Variants in TAFA5 observed in about 807,000 individuals in gnomAD.
TAFA5 encodes the protein TAFA chemokine like family member 5, also known as chemokine-like protein TAFA-5.
Under a neutral mutation model 15.3 loss-of-function variants are expected in TAFA5, and 6 were observed. The ratio of observed to expected loss-of-function variants is 0.39; its 90% CI spans 0.21 to 0.77. The LOEUF is 0.77. Ranked by LOEUF, TAFA5 falls within the 30% of genes least tolerant of loss-of-function variation. The probability of loss-of-function intolerance (pLI) is 0.41; values close to 1 mark genes in which losing one functional copy is unlikely to be tolerated. For missense variants in TAFA5, 161 were observed against 193.1 expected (o/e 0.83, Z 0.98); for synonymous variants, 103 against 80.7 (o/e 1.28, Z -1.48).
At chr22:48,617,582 C>T (rs553960652) in intron 1 of TAFA5, among the ~76,000 whole-genome samples, 16 of 152,350 alleles carry the variant, frequency 1.1e-4, no homozygotes, top group Admixed American at 9.8e-4. Flanking sequence ...TCCTCACTGT[C>T]GTCACCTCTC....
intron 1 of TAFA5, among the ~76,000 whole-genome samples, chr22:48,491,029 T>C (rs1213719286): frequency 1.3e-5 from 2 of 152,190 alleles, no homozygotes; most frequent in Non-Finnish European, 2.9e-5. Flanking sequence ...AGCGCGGTTA[T>C]GCATTTCCCT....
At chr22:48,696,723 C>G (rs62225007) in intron 2 of TAFA5, among the ~76,000 whole-genome samples, 33,332 of 152,262 alleles carry the variant, frequency 0.22, 4,084 homozygotes, top group South Asian at 0.37. Context: ...CCTTCAAAAT[C>G]TCTCAGCCAG....
chr22:48,590,084 G>A (rs976867818), intron 1 of TAFA5, among the ~76,000 whole-genome samples: 2 of 152,010 alleles, frequency 1.3e-5, no homozygotes, highest in Admixed American at 6.6e-5. Context: ...GGTCTGATTC[G>A]GGTCCACCTT....
chr22:48,515,734 AG>A (rs1921381847), intron 1 of TAFA5, among the ~76,000 whole-genome samples: 1 of 152,162 alleles, frequency 6.6e-6, no homozygotes, highest in African/African-American at 2.4e-5. Context: ...GGGAGTGTGG[AG>A]GGCACCGCCC....
intron 3 of TAFA5, among the ~76,000 whole-genome samples, chr22:48,747,089 G>A (rs1366739483): frequency 1.3e-5 from 2 of 152,200 alleles, no homozygotes; most frequent in Non-Finnish European, 2.9e-5. Context: ...AGGACTGGAG[G>A]CCACCATGGT....
chr22:48,716,883 C>G (rs1057393781), intron 3 of TAFA5, among the ~76,000 whole-genome samples: 3 of 151,988 alleles, frequency 2.0e-5, no homozygotes, highest in African/African-American at 7.3e-5. Context: ...TCTCAGAAAG[C>G]AGAGAGTGGA....
chr22:48,615,174 G>C (rs1339058790), intron 1 of TAFA5, among the ~76,000 whole-genome samples: 2 of 152,186 alleles, frequency 1.3e-5, no homozygotes, highest in East Asian at 1.9e-4. Context: ...ACAGGTATGT[G>C]TCTCTCCAGG....
intron 3 of TAFA5, among the ~76,000 whole-genome samples, chr22:48,716,268 C>G (rs2147257358): frequency 6.6e-6 from 1 of 152,280 alleles, no homozygotes; most frequent in Admixed American, 6.5e-5. Context: ...GGAACCAACC[C>G]AAATGCCCAT....
At chr22:48,708,842 C>T (rs1224118540) in intron 3 of TAFA5, among the ~76,000 whole-genome samples, 1 of 152,218 alleles carries the variant, frequency 6.6e-6, no homozygotes, top group Non-Finnish European at 1.5e-5. Context: ...TCACACTGGG[C>T]TGCAGGGAAA....
At chr22:48,701,121 C>G (rs1928892229) in intron 2 of TAFA5, among the ~76,000 whole-genome samples, 1 of 152,172 alleles carries the variant, frequency 6.6e-6, no homozygotes, top group South Asian at 2.1e-4. Flanking sequence ...CAGTGGGTGC[C>G]CGAGGCGGCA....
Position 48,575,505 on chromosome 22 carries a change from G to A in TAFA5, c.113-71092G>A, listed in dbSNP as rs1010749991. ...TCCCCCGAGGAGCCGGCGCCGAGCC[G>A]AGCGGGCGGGCGCGCGCCTCCAGGC... On this transcript the variant is annotated intron_variant, in intron 1 of 3. Coordinates refer to ENST00000402357, the MANE Select transcript of TAFA5 (RefSeq NM_001082967.3). Among the ~76,000 whole-genome samples the A allele has an allele frequency of 7.5e-5, 11 of 146,094 alleles. 1 individual carries two copies. Among genetic ancestry groups the A allele is most frequent in the South Asian group, 2.1e-4 (1 of 4,802 alleles).
At chr22:48,527,310 C>G (rs1371621284) in intron 1 of TAFA5, among the ~76,000 whole-genome samples, 2 of 152,238 alleles carry the variant, frequency 1.3e-5, no homozygotes, top group African/African-American at 4.8e-5. Flanking sequence ...TCTCTGAGAT[C>G]TGCACTCAAC....
intron 1 of TAFA5, among the ~76,000 whole-genome samples, chr22:48,500,968 G>A (rs1254739629): frequency 2.0e-5 from 3 of 152,100 alleles, no homozygotes; most frequent in Admixed American, 1.3e-4. Context: ...GTCATCTCCC[G>A]CTGACTGCCC....
At chr22:48,576,222 A>C in intron 1 of TAFA5, 1 of 338,124 alleles carries the variant, frequency 3.0e-6, no homozygotes. Flanking sequence ...CCGCGGCCCG[A>C]GACTTTCTGC....
chr22:48,549,251 A>G (rs1410448855), intron 1 of TAFA5, among the ~76,000 whole-genome samples: 1 of 152,194 alleles, frequency 6.6e-6, no homozygotes, highest in Non-Finnish European at 1.5e-5. Context: ...GTAGACACAG[A>G]GGGCTTCCAG....
intron 1 of TAFA5, among the ~76,000 whole-genome samples, chr22:48,642,876 G>C (rs530461579): frequency 6.6e-6 from 1 of 152,330 alleles, no homozygotes; most frequent in East Asian, 1.9e-4. Flanking sequence ...AGGGGGAACA[G>C]CTGTGGGAGA....
chr22:48,710,796 G>A (rs1929227952), intron 3 of TAFA5, among the ~76,000 whole-genome samples: 1 of 152,228 alleles, frequency 6.6e-6, no homozygotes, highest in Non-Finnish European at 1.5e-5. Context: ...TGTGCTCAGA[G>A]AGCCTGGGGG....
intron 1 of TAFA5, among the ~76,000 whole-genome samples, chr22:48,569,428 T>G (rs765091501): frequency 2.6e-4 from 39 of 152,260 alleles, no homozygotes; most frequent in Middle Eastern, 6.8e-3. Flanking sequence ...GGCGCCTTGC[T>G]GTTTTGTGAC....
chr22:48,703,379 C>T (rs1938031856), intron 2 of TAFA5, among the ~76,000 whole-genome samples: 1 of 152,212 alleles, frequency 6.6e-6, no homozygotes, highest in Non-Finnish European at 1.5e-5. Context: ...GTGCATAGTA[C>T]CACATCATGT....
Sources: allele counts gnomAD v4.1 joint callset (sites outside exome capture counted in the v4.1 genomes callset), GRCh38; gene constraint gnomAD v4.1.1; transcripts MANE v1.5; gene names NCBI Gene and HGNC (gene_info 2026-07-23, HGNC 2026-07-21).